Variants in FUT8 observed in about 807,000 individuals in gnomAD.
The protein encoded by FUT8 is alpha-(1,6)-fucosyltransferase.
FUT8 carries 29 observed loss-of-function variants against 71.3 expected under a neutral mutation model. The ratio of observed to expected loss-of-function variants is 0.41; its 90% CI spans 0.30 to 0.55. The LOEUF (loss-of-function observed/expected upper bound fraction) is 0.55, where lower values mean the gene tolerates loss of function less well. Ranked by LOEUF, FUT8 falls within the 20% of genes least tolerant of loss-of-function variation. The pLI, the probability that FUT8 is intolerant of heterozygous loss-of-function variation, is 0.34. For missense variants in FUT8, 544 were observed against 702.1 expected (o/e 0.77, Z 2.55); for synonymous variants, 254 against 239.3 (o/e 1.06, Z -0.57).
chr14:65,493,135 T>C (rs1316356418), intron 2 of FUT8, among the ~76,000 whole-genome samples: 1 of 152,150 alleles, frequency 6.6e-6, no homozygotes, highest in Non-Finnish European at 1.5e-5. Flanking sequence ...GCCAATGATA[T>C]AGCGTCTAGA....
chr14:65,542,918 G>A (rs1456506859), intron 2 of FUT8, among the ~76,000 whole-genome samples: 1 of 152,128 alleles, frequency 6.6e-6, no homozygotes, highest in Non-Finnish European at 1.5e-5. Flanking sequence ...GAGTAGCTGG[G>A]GTTACAGGCA....
intron 2 of FUT8, among the ~76,000 whole-genome samples, chr14:65,502,314 C>T (rs1480697389): frequency 5.9e-5 from 9 of 151,618 alleles, no homozygotes; most frequent in Admixed American, 3.9e-4. Context: ...AATCTCCACC[C>T]CCCAGGTTCA....
At chr14:65,373,530 C>A in the FUT8 span, among the ~76,000 whole-genome samples, 1 of 151,880 alleles carries the variant, frequency 6.6e-6, no homozygotes, top group Non-Finnish European at 1.5e-5. Context: ...GTTGTAACAC[C>A]ACTAGACACT....
intron 2 of FUT8, among the ~76,000 whole-genome samples, chr14:65,473,449 A>G (rs1325455967): frequency 6.6e-6 from 1 of 152,106 alleles, no homozygotes; most frequent in Non-Finnish European, 1.5e-5. Context: ...ATTTTTTCTT[A>G]CTTATATAAT....
chr14:65,701,812 A>G (rs117022696), intron 7 of FUT8, among the ~76,000 whole-genome samples: 1,956 of 152,294 alleles, frequency 0.013, 25 homozygotes, highest in Non-Finnish European at 0.02. Flanking sequence ...TATCTTACCC[A>G]TAGGAACTTC....
intron 3 of FUT8, among the ~76,000 whole-genome samples, chr14:65,604,364 C>G (rs1211692336): frequency 2.0e-5 from 3 of 151,830 alleles, no homozygotes; most frequent in African/African-American, 4.8e-5. Context: ...CAAAACAAGT[C>G]TCAATAAATT....
intron 2 of FUT8, among the ~76,000 whole-genome samples, chr14:65,473,240 G>C (rs1166536652): frequency 6.6e-6 from 1 of 152,008 alleles, no homozygotes; most frequent in Non-Finnish European, 1.5e-5. Context: ...ATAGTTTATT[G>C]TACGTATTGC....
chr14:65,735,046 C>G (rs1896155672), intron 10 of FUT8, among the ~76,000 whole-genome samples: 1 of 152,104 alleles, frequency 6.6e-6, no homozygotes, highest in Admixed American at 6.6e-5. Flanking sequence ...GTTCTAGTCA[C>G]AAGATTCTAA....
chr14:65,557,774 A>G (rs2140029225), intron 2 of FUT8, among the ~76,000 whole-genome samples: 1 of 152,282 alleles, frequency 6.6e-6, no homozygotes, highest in South Asian at 2.1e-4. Flanking sequence ...ATAAATTTAT[A>G]AATTCTTGAA....
At chr14:65,712,918 TTA>T (rs1249085162) in intron 7 of FUT8, among the ~76,000 whole-genome samples, 1 of 152,144 alleles carries the variant, frequency 6.6e-6, no homozygotes, top group Non-Finnish European at 1.5e-5. Context: ...AACAATCCAA[TTA>T]TATGTTTTTA....
chr14:65,603,812 A>G lies in FUT8; in HGVS notation c.204-12166A>G, dbSNP rs191078753. Among the ~76,000 whole-genome samples the G allele has an allele frequency of 4.6e-5, 7 of 152,024 alleles. No homozygotes were observed. The highest frequency in any genetic ancestry group is 3.3e-4 in the Admixed American group (5 of 15,228). On this transcript the variant is annotated intron_variant, in intron 3 of 10. Coordinates refer to ENST00000673929, the MANE Select transcript of FUT8 (RefSeq NM_001371533.1). This position sits in a 1 kb window ranked among gnomAD's most constrained non-coding sequence, Gnocchi z 4.5. ...GGTCTAAGTGCTCCACTTAAAAGGT[A>G]CAGAATTGCAGAATGGATTCGAATT...
At chr14:65,724,117 T>G (rs1376563981) in intron 8 of FUT8, 30 bp from the exon 9 acceptor site, 19 of 1,530,130 alleles carry the variant, frequency 1.2e-5, no homozygotes, top group Non-Finnish European at 1.7e-5. Flanking sequence ...TGTCAGTACA[T>G]TACCAGTAGA....
chr14:65,670,093 T>C (rs1265778643), intron 7 of FUT8, among the ~76,000 whole-genome samples: 1 of 152,224 alleles, frequency 6.6e-6, no homozygotes, highest in Non-Finnish European at 1.5e-5. Context: ...GTAATGTGAC[T>C]AAGGTACTAT....
In FUT8 at chr14:65,464,112, A is replaced by T. The variant is rs572033763; in HGVS notation, c.-228+8394A>T. On this transcript the variant is annotated intron_variant, in intron 2 of 10. Transcript: ENST00000673929. ...AAAGTTGTTTAATTGGAGTTTTTTTAAAATAGATTTTTATTTCTTAGGGCA... is the reference window on the plus strand; with the variant it reads ...AAAGTTGTTTAATTGGAGTTTTTTTTAAATAGATTTTTATTTCTTAGGGCA... 3.3e-5 allele frequency among the ~76,000 whole-genome samples: 5 copies of T among 152,310 alleles called. No individual in the cohort carries two copies. In the East Asian group the frequency reaches 5.8e-4, roughly 18 times the overall value.
chr14:65,600,730 T>TTA (rs1490526498), intron 3 of FUT8, among the ~76,000 whole-genome samples: 1 of 152,156 alleles, frequency 6.6e-6, no homozygotes, highest in Admixed American at 6.5e-5. Flanking sequence ...TAAACTCTAA[T>TTA]AAGATTTAAA....
chr14:65,588,943 C>G (rs540759575), intron 3 of FUT8, among the ~76,000 whole-genome samples: 72 of 152,272 alleles, frequency 4.7e-4, no homozygotes, highest in African/African-American at 1.6e-3. Context: ...AGTATCCCCA[C>G]AAATAAGAGG....
At position 65,612,199 on chromosome 14, in the gene FUT8, T is replaced by C. The variant is rs143431723; in HGVS notation, c.204-3779T>C. On this transcript the variant is annotated intron_variant, in intron 3 of 10. Coordinates refer to ENST00000673929, the MANE Select transcript of FUT8 (RefSeq NM_001371533.1). Reference sequence around the variant, plus strand: ...TACCTTGTTTGTTACTAGAAGGTCTTGTATAATTTACAAATATTCTTAAAT... The same window carrying C: ...TACCTTGTTTGTTACTAGAAGGTCTCGTATAATTTACAAATATTCTTAAAT... 1.2e-3 allele frequency among the ~76,000 whole-genome samples: 187 copies of C among 152,320 alleles called. 1 individual carries two copies. Among genetic ancestry groups the C allele is most frequent in the African/African-American group, 4.4e-3 (182 of 41,580 alleles).
rs1422349893 is a variant in FUT8, at chr14:65,709,967, G to A, written c.836-11808G>A. On this transcript the variant is annotated intron_variant, in intron 7 of 10. Transcript: ENST00000673929. Reference sequence around the variant, plus strand: ...TCACATTCTGCAATTCATCGACATTGGTTATCAAGCTGATATTTTGATTGT... The same window carrying A: ...TCACATTCTGCAATTCATCGACATTAGTTATCAAGCTGATATTTTGATTGT... Among the ~76,000 whole-genome samples, 10 of 152,202 alleles carry A rather than the reference G, an allele frequency of 6.6e-5. No homozygotes were observed. In the East Asian group the frequency reaches 9.6e-4, roughly 15 times the overall value.
chr14:65,649,045 C>T (rs1025961289), intron 6 of FUT8, among the ~76,000 whole-genome samples: 2 of 152,152 alleles, frequency 1.3e-5, no homozygotes, highest in Non-Finnish European at 2.9e-5. Context: ...ATGTATTTTC[C>T]GTAGTTCTTA....
Sources: gnomAD v4.1 joint callset for allele counts (sites outside exome capture counted in the v4.1 genomes callset) on GRCh38, gnomAD v4.1.1 for gene constraint, Gnocchi (gnomAD v3.1) non-coding constraint, MANE v1.5 for transcripts, NCBI Gene and HGNC (gene_info 2026-07-23, HGNC 2026-07-21) for gene names.